Variants in SNX29 observed in about 807,000 individuals in gnomAD.
SNX29 encodes sorting nexin 29.
A neutral mutation model predicts 102.1 loss-of-function variants in SNX29; 78 were observed. The observed-to-expected ratio is 0.76, with a 90% confidence interval of 0.64 to 0.92. The LOEUF (loss-of-function observed/expected upper bound fraction) is 0.92. Among genes scored for constraint, SNX29 ranks in the 40% least tolerant of loss-of-function variants. The probability of loss-of-function intolerance (pLI) is 0.00; values close to 1 mark genes in which losing one functional copy is unlikely to be tolerated. For synonymous variants in SNX29, 580 were observed against 414.5 expected (o/e 1.40, Z -4.85); for missense variants, 1,280 against 1,061.7 (o/e 1.21, Z -2.86).
At position 12,014,766 on chromosome 16, in the gene SNX29, A is replaced by G. The variant is rs888738364; in HGVS notation, c.122+11723A>G. ...AAAAAAAAAAGAAAAGAAAAAGAAA[A>G]TCATCAGAAATTATGATTTACCATT... On this transcript the variant is annotated intron_variant, in intron 3 of 20. Transcript: ENST00000566228. Among the ~76,000 whole-genome samples, 177 of 151,794 alleles carry G rather than the reference A, an allele frequency of 1.2e-3. 1 individual carries two copies. The highest frequency in any genetic ancestry group is 3.9e-3 in the African/African-American group (160 of 41,410).
chr16:12,434,260 T>C (rs1003758367), intron 18 of SNX29, among the ~76,000 whole-genome samples: 5 of 152,220 alleles, frequency 3.3e-5, no homozygotes, highest in African/African-American at 1.2e-4. Context: ...ATACTCATTA[T>C]TGACCAGAGT....
At chr16:12,324,334 TG>T (rs777653097) in intron 15 of SNX29, among the ~76,000 whole-genome samples, 52 of 152,198 alleles carry the variant, frequency 3.4e-4, no homozygotes, top group Admixed American at 1.6e-3. Flanking sequence ...CCAGGAGGAC[TG>T]GGAGGAAGAC....
chr16:12,379,334 T>A (rs368926196), intron 16 of SNX29, among the ~76,000 whole-genome samples: 11 of 152,264 alleles, frequency 7.2e-5, no homozygotes, highest in East Asian at 5.8e-4. Flanking sequence ...GTTGCCCAGG[T>A]TGATCTTTAA....
At chr16:12,278,354 G>T (rs536037017) in intron 15 of SNX29, among the ~76,000 whole-genome samples, 1 of 152,212 alleles carries the variant, frequency 6.6e-6, no homozygotes, top group South Asian at 2.1e-4. Context: ...ATGCACCTTT[G>T]TGCTGTTAAA....
intron 1 of SNX29, chr16:11,983,576 G>A: frequency 5.6e-6 from 5 of 889,110 alleles, no homozygotes; most frequent in Non-Finnish European, 6.7e-6. Context: ...GCACTGGATT[G>A]ATCTATGATG....
chr16:12,234,781 C>T (rs1338008811), intron 14 of SNX29, among the ~76,000 whole-genome samples: 2 of 152,162 alleles, frequency 1.3e-5, no homozygotes, highest in African/African-American at 4.8e-5. Flanking sequence ...TGTGTTTCCC[C>T]ACCTGAAATT....
At chr16:12,140,977 G>A (rs1026676453) in intron 13 of SNX29, among the ~76,000 whole-genome samples, 3 of 152,116 alleles carry the variant, frequency 2.0e-5, no homozygotes, top group African/African-American at 7.2e-5. Context: ...AGAAATGAAA[G>A]GAATTTATAA....
chr16:12,523,894 G>T (rs1255760525), intron 19 of SNX29, among the ~76,000 whole-genome samples: 2 of 150,738 alleles, frequency 1.3e-5, no homozygotes, highest in African/African-American at 5.0e-5. Context: ...GGTTTTTTTT[G>T]TGTGTGTGTG....
At chr16:11,984,657 C>A (rs908359070) in intron 1 of SNX29, among the ~76,000 whole-genome samples, 1 of 151,968 alleles carries the variant, frequency 6.6e-6, no homozygotes, top group Admixed American at 6.6e-5. Context: ...CCTCCCTTTC[C>A]TCTCTTTTTC....
At chr16:12,264,102 G>A (rs2078856370) in intron 14 of SNX29, among the ~76,000 whole-genome samples, 1 of 152,238 alleles carries the variant, frequency 6.6e-6, no homozygotes, top group Admixed American at 6.5e-5. Context: ...CTGGGCAGGA[G>A]ACTGTGTGCC....
intron 18 of SNX29, among the ~76,000 whole-genome samples, chr16:12,408,763 T>G (rs1390153867): frequency 6.6e-6 from 1 of 152,150 alleles, no homozygotes; most frequent in Non-Finnish European, 1.5e-5. Flanking sequence ...GAGGTTGCAG[T>G]GAGCCAAGAT....
chr16:12,567,953 A>G (rs1304688058), intron 20 of SNX29, among the ~76,000 whole-genome samples: 2 of 152,202 alleles, frequency 1.3e-5, no homozygotes, highest in Non-Finnish European at 2.9e-5. Flanking sequence ...AACCAGGATC[A>G]GTGTCCCCCT....
At chr16:12,365,086 G>A (rs775597536) in intron 16 of SNX29, among the ~76,000 whole-genome samples, 58 of 152,092 alleles carry the variant, frequency 3.8e-4, no homozygotes, top group Non-Finnish European at 7.3e-4. Context: ...CAGCTTCATG[G>A]TAGCACCTGA....
At chr16:12,562,994 C>G (rs1274120573) in intron 20 of SNX29, among the ~76,000 whole-genome samples, 2 of 152,138 alleles carry the variant, frequency 1.3e-5, no homozygotes, top group African/African-American at 4.8e-5. Flanking sequence ...GTAAGAAAAA[C>G]TGCTTCAATG....
At position 12,571,774 on chromosome 16, in the gene SNX29, C is replaced by T. The variant is rs958654427; in HGVS notation, c.*3145C>T. The stretch of plus-strand genomic sequence containing the variant: ...ATCCACTCCTGATCTGAGACAGAAC[C>T]TTCTCCGCCACTCTTCCTGCAATCA... On this transcript the variant is annotated 3_prime_UTR_variant, in exon 21 of 21. Transcript: ENST00000566228. 2 of 1,008,394 alleles carry T rather than the reference C, an allele frequency of 2.0e-6. No homozygotes were observed. The highest frequency in any genetic ancestry group is 2.4e-6 in the Non-Finnish European group (2 of 828,634). 62.5% of individuals were successfully genotyped at this position (1,008,394 alleles called of 1,614,324 possible). A position where few individuals can be genotyped will look rare whatever the true frequency, so the allele number is the denominator to read the frequency against.
chr16:12,430,352 C>T (rs761921071), intron 18 of SNX29, among the ~76,000 whole-genome samples: 92 of 152,226 alleles, frequency 6.0e-4, no homozygotes, highest in Admixed American at 6.5e-4. Context: ...AGGATAATGA[C>T]TGTGAGGTTC....
At chr16:12,254,306 CT>C (rs1235330860) in intron 14 of SNX29, among the ~76,000 whole-genome samples, 1 of 152,110 alleles carries the variant, frequency 6.6e-6, no homozygotes, top group Non-Finnish European at 1.5e-5. Flanking sequence ...GGACTGAGCT[CT>C]GTGGCCCTCC....
At chr16:12,015,215 C>T (rs1326128811) in intron 3 of SNX29, among the ~76,000 whole-genome samples, 1 of 151,996 alleles carries the variant, frequency 6.6e-6, no homozygotes, top group Non-Finnish European at 1.5e-5. Context: ...TACTCCTGCA[C>T]TGAAACATTT....
chr16:12,309,204 TG>T (rs1467047362), intron 15 of SNX29, among the ~76,000 whole-genome samples: 3 of 152,204 alleles, frequency 2.0e-5, no homozygotes, highest in Non-Finnish European at 4.4e-5. Flanking sequence ...CTGTTTGAGT[TG>T]GGTTCAGGAC....
Sources: gnomAD v4.1 joint callset for allele counts (sites outside exome capture counted in the v4.1 genomes callset) on GRCh38, gnomAD v4.1.1 for gene constraint, MANE v1.5 for transcripts, NCBI Gene and HGNC (gene_info 2026-07-23, HGNC 2026-07-21) for gene names.